Variants in TTLL11 observed in about 807,000 individuals in gnomAD.
The protein encoded by TTLL11 is tubulin tyrosine ligase like 11.
In TTLL11, 42 loss-of-function variants were observed where a neutral mutation model predicts 51.7. The ratio of observed to expected loss-of-function variants is 0.81; its 90% CI spans 0.64 to 1.05. The LOEUF is 1.05. Ranked by LOEUF, TTLL11 falls within the 50% of genes least tolerant of loss-of-function variation. The pLI is 0.00. For missense variants in TTLL11, 799 were observed against 940.4 expected (o/e 0.85, Z 1.97); for synonymous variants, 381 against 383.5 (o/e 0.99, Z 0.08).
chr9:121,960,873 T>C (rs1332953452), intron 6 of TTLL11, among the ~76,000 whole-genome samples: 1 of 152,126 alleles, frequency 6.6e-6, no homozygotes, highest in Non-Finnish European at 1.5e-5. Context: ...CCAGAGAGGA[T>C]GAGCCTGGGG....
At chr9:121,899,623 T>C (rs1444682389) in intron 6 of TTLL11, among the ~76,000 whole-genome samples, 8 of 151,908 alleles carry the variant, frequency 5.3e-5, no homozygotes, top group Non-Finnish European at 1.2e-4. Flanking sequence ...AGGCTGGTCT[T>C]GAACTCCTGG....
chr9:122,040,474 G>A (rs1844819594), intron 1 of TTLL11: 2 of 952,250 alleles, frequency 2.1e-6, no homozygotes. Context: ...CTGTAACTCA[G>A]ATGACCTTGT....
intron 2 of TTLL11, among the ~76,000 whole-genome samples, chr9:122,036,385 G>A (rs1217586480): frequency 6.6e-6 from 1 of 151,694 alleles, no homozygotes; most frequent in African/African-American, 2.4e-5. Flanking sequence ...ACCTGAGAAT[G>A]GACAGTTTTG....
intron 6 of TTLL11, among the ~76,000 whole-genome samples, chr9:121,927,538 T>C (rs1318974828): frequency 6.6e-6 from 1 of 152,180 alleles, no homozygotes; most frequent in Admixed American, 6.5e-5. Flanking sequence ...TGATAACCTA[T>C]TTTCCTGGCC....
rs535365917 is a variant in TTLL11, at chr9:121,989,955, T to A, written c.694-185A>T. On this transcript the variant is annotated intron_variant, in intron 3 of 8. Coordinates refer to ENST00000321582, the MANE Select transcript of TTLL11 (RefSeq NM_001139442.2). The surrounding 1 kb of genome is among the most constrained non-coding windows in gnomAD (Gnocchi z 4.2). ...GGTACTGAGATGGTGACATCAGGAC[T>A]GTCCCCAGTCTTGTGCTCCAGAGCG... Among the ~76,000 whole-genome samples, 2 of 152,338 alleles carry A rather than the reference T, an allele frequency of 1.3e-5. No individual in the cohort carries two copies. Among genetic ancestry groups the A allele is most frequent in the East Asian group, 3.9e-4 (2 of 5,186 alleles).
At chr9:121,831,425 G>T (rs1015584330) in intron 8 of TTLL11, among the ~76,000 whole-genome samples, 1 of 152,192 alleles carries the variant, frequency 6.6e-6, no homozygotes, top group African/African-American at 2.4e-5. Flanking sequence ...GTCTGGCTGG[G>T]CCCAGTGGCT....
chr9:122,081,759 T>C (rs1846009194), intron 1 of TTLL11, among the ~76,000 whole-genome samples: 1 of 152,190 alleles, frequency 6.6e-6, no homozygotes, highest in Non-Finnish European at 1.5e-5. Context: ...ATGTGGATCA[T>C]GCAAGGCAAA....
intron 6 of TTLL11, among the ~76,000 whole-genome samples, chr9:121,894,288 T>G (rs1227454040): frequency 6.6e-6 from 1 of 152,182 alleles, no homozygotes; most frequent in Non-Finnish European, 1.5e-5. Context: ...GCTTTTACAC[T>G]GTTGGTGGGA....
intron 3 of TTLL11, among the ~76,000 whole-genome samples, chr9:121,993,486 A>C (rs1364506542): frequency 6.6e-6 from 1 of 152,258 alleles, no homozygotes; most frequent in Non-Finnish European, 1.5e-5. Context: ...TATAAAATAA[A>C]GGGGTCAGAC....
intron 6 of TTLL11, among the ~76,000 whole-genome samples, chr9:121,961,225 C>A (rs907121260): frequency 1.3e-5 from 2 of 152,120 alleles, no homozygotes; most frequent in Non-Finnish European, 2.9e-5. Flanking sequence ...TTCCTCCACA[C>A]TTTTTTCCTC....
intron 8 of TTLL11, among the ~76,000 whole-genome samples, chr9:121,847,474 A>G (rs551996791): frequency 6.6e-6 from 1 of 152,288 alleles, no homozygotes; most frequent in East Asian, 1.9e-4. Context: ...GATCATCACT[A>G]TCACTACTTA....
chr9:121,975,001 C>A, intron 4 of TTLL11, 22 bp from the exon 5 acceptor site: 1 of 1,479,874 alleles, frequency 6.8e-7, no homozygotes, highest in South Asian at 1.3e-5. Context: ...AAACACAATT[C>A]AGAATTACTG....
At chr9:121,946,266 G>T (rs1266323809) in intron 6 of TTLL11, among the ~76,000 whole-genome samples, 4 of 152,206 alleles carry the variant, frequency 2.6e-5, no homozygotes, top group Non-Finnish European at 5.9e-5. Context: ...ATGCTTGGGG[G>T]TCTCAACAAG....
rs140955964 is a variant in TTLL11, at chr9:121,995,530, C to T, written c.694-5760G>A. Among the ~76,000 whole-genome samples the T allele has an allele frequency of 8.1e-4, 123 of 152,058 alleles. No homozygotes were observed. In the Middle Eastern group the frequency reaches 0.01, roughly 13 times the overall value. On this transcript the variant is annotated intron_variant, in intron 3 of 8. Transcript: ENST00000321582. The surrounding 1 kb of genome is among the most constrained non-coding windows in gnomAD (Gnocchi z 4.4). ...GAGGAAAGGGTCATGGGTGAGCTCA[C>T]GGTTTGGGACTTCAGCAATTTTGGG...
chr9:121,897,131 T>C (rs531900227), intron 6 of TTLL11, among the ~76,000 whole-genome samples: 3 of 152,296 alleles, frequency 2.0e-5, no homozygotes, highest in Non-Finnish European at 2.9e-5. Flanking sequence ...GGGGGACCTT[T>C]GTGAGAGAAG....
At chr9:121,927,448 C>T (rs1196020559) in intron 6 of TTLL11, among the ~76,000 whole-genome samples, 1 of 152,214 alleles carries the variant, frequency 6.6e-6, no homozygotes, top group Non-Finnish European at 1.5e-5. Context: ...CACCCTCTCC[C>T]TGAACTATGA....
intron 4 of TTLL11, among the ~76,000 whole-genome samples, chr9:121,988,474 C>T (rs1842994669): frequency 2.0e-5 from 3 of 152,028 alleles, no homozygotes; most frequent in Admixed American, 1.3e-4. Context: ...CATACTCAAC[C>T]TCTTCCAGTG....
chr9:121,988,705 C>T (rs1036005881), intron 4 of TTLL11, among the ~76,000 whole-genome samples: 27 of 152,192 alleles, frequency 1.8e-4, no homozygotes, highest in African/African-American at 6.3e-4. Flanking sequence ...TCTTATTCTA[C>T]TCTAGCATTT....
intron 1 of TTLL11, among the ~76,000 whole-genome samples, chr9:122,079,437 T>C (rs1156796729): frequency 6.6e-6 from 1 of 151,788 alleles, no homozygotes; most frequent in East Asian, 1.9e-4. Flanking sequence ...ACTGGCTGGG[T>C]GCAGTGGCTC....
Sources: gnomAD v4.1 joint callset for allele counts (sites outside exome capture counted in the v4.1 genomes callset) on GRCh38, gnomAD v4.1.1 for gene constraint, Gnocchi (gnomAD v3.1) non-coding constraint, MANE v1.5 for transcripts, NCBI Gene and HGNC (gene_info 2026-07-23, HGNC 2026-07-21) for gene names.